The following GRID2 variants were observed in gnomAD, a reference collection of about 807,000 sequenced individuals.
The protein encoded by GRID2 is glutamate ionotropic receptor delta type subunit 2, also known as glutamate receptor ionotropic, delta-2.
A neutral mutation model predicts 114.8 loss-of-function variants in GRID2; 33 were observed. The ratio of observed to expected loss-of-function variants is 0.29; its 90% CI spans 0.22 to 0.38. The LOEUF (loss-of-function observed/expected upper bound fraction) is 0.38. Ranked by LOEUF, GRID2 falls within the 10% of genes least tolerant of loss-of-function variation. GRID2 has a pLI of 1.00. For missense variants in GRID2, 1,184 were observed against 1,257.7 expected (o/e 0.94, Z 0.89); for synonymous variants, 505 against 449.9 (o/e 1.12, Z -1.55).
chr4:93,676,891 G>C (rs566876722), intron 14 of GRID2, among the ~76,000 whole-genome samples: 3 of 152,040 alleles, frequency 2.0e-5, no homozygotes, highest in African/African-American at 7.2e-5. Context: ...CTGAGGTACC[G>C]GGTTCATCTC....
chr4:93,390,193 G>C (rs1341955314), intron 8 of GRID2, among the ~76,000 whole-genome samples: 1 of 152,172 alleles, frequency 6.6e-6, no homozygotes, highest in African/African-American at 2.4e-5. Context: ...TGGGGATTCT[G>C]ACTTAATTGT....
intron 2 of GRID2, among the ~76,000 whole-genome samples, chr4:92,656,013 A>G (rs566893757): frequency 4.6e-5 from 7 of 151,648 alleles, no homozygotes; most frequent in Non-Finnish European, 8.8e-5. Flanking sequence ...TCTCATATAT[A>G]GTCTTTATTA....
Position 92,832,329 on chromosome 4 carries a change from T to A in GRID2, c.244+242043T>A, listed in dbSNP as rs142711118. Reference sequence around the variant, plus strand: ...TTAGCCAAATGTGGTGATACCTGCCTGTAATCCCAGCTACTTGGGAGGCTG... The same window carrying A: ...TTAGCCAAATGTGGTGATACCTGCCAGTAATCCCAGCTACTTGGGAGGCTG... On this transcript the variant is annotated intron_variant, in intron 2 of 15. Transcript: ENST00000282020. 1.8e-3 allele frequency among the ~76,000 whole-genome samples: 277 copies of A among 152,176 alleles called. 5 individuals carry two copies. In the East Asian group the frequency reaches 0.044, roughly 24 times the overall value.
intron 14 of GRID2, among the ~76,000 whole-genome samples, chr4:93,715,999 C>G (rs1728871889): frequency 6.6e-6 from 1 of 152,128 alleles, no homozygotes; most frequent in South Asian, 2.1e-4. Flanking sequence ...GTATCCTTGT[C>G]TTGTGCCAGT....
chr4:92,503,007 T>C (rs1723765445), intron 1 of GRID2, among the ~76,000 whole-genome samples: 1 of 151,996 alleles, frequency 6.6e-6, no homozygotes, highest in Non-Finnish European at 1.5e-5. Context: ...TGCCATATGA[T>C]TTTCAAAAGC....
intron 2 of GRID2, among the ~76,000 whole-genome samples, chr4:92,703,022 T>A (rs958662370): frequency 1.3e-5 from 2 of 152,178 alleles, no homozygotes; most frequent in South Asian, 4.1e-4. Flanking sequence ...AACTATTTGG[T>A]CTCTGTTTGA....
At chr4:93,413,675 C>G (rs1343002148) in intron 9 of GRID2, among the ~76,000 whole-genome samples, 1 of 152,124 alleles carries the variant, frequency 6.6e-6, no homozygotes, top group Non-Finnish European at 1.5e-5. Context: ...AATTCACCCT[C>G]AATGGTTGCT....
chr4:93,317,548 T>C (rs1756788412), intron 8 of GRID2, among the ~76,000 whole-genome samples: 1 of 152,126 alleles, frequency 6.6e-6, no homozygotes, highest in African/African-American at 2.4e-5. Context: ...CTAATAATAC[T>C]GAAATTTGGA....
chr4:93,785,604 G>A (rs114800150), intron 1 of GRID2, among the ~76,000 whole-genome samples: 3,517 of 152,266 alleles, frequency 0.023, 67 homozygotes, highest in Non-Finnish European at 0.035. Flanking sequence ...TTCATTAACC[G>A]TGATAAAGAA....
At chr4:92,794,874 T>TTTTA (rs139320071) in intron 2 of GRID2, among the ~76,000 whole-genome samples, 62 of 106,034 alleles carry the variant, frequency 5.8e-4, no homozygotes, top group Admixed American at 1.5e-3. Context: ...AATAATTGTT[T>TTTTA]TATATATATA....
chr4:93,536,248 G>C (rs1238292151), intron 13 of GRID2, among the ~76,000 whole-genome samples: 1 of 151,792 alleles, frequency 6.6e-6, no homozygotes, highest in Non-Finnish European at 1.5e-5. Flanking sequence ...AATAGCCAAA[G>C]CAATTTTAAC....
intron 8 of GRID2, among the ~76,000 whole-genome samples, chr4:93,295,920 C>T (rs1349219819): frequency 6.6e-6 from 1 of 152,218 alleles, no homozygotes; most frequent in Non-Finnish European, 1.5e-5. Context: ...TTGGATTTAG[C>T]TGCTAATTCA....
chr4:92,851,202 C>T (rs1743761430), intron 2 of GRID2, among the ~76,000 whole-genome samples: 1 of 151,910 alleles, frequency 6.6e-6, no homozygotes. Flanking sequence ...AAAATATTAA[C>T]AAATCAGCCA....
At chr4:93,165,067 C>T (rs1162400202) in intron 4 of GRID2, among the ~76,000 whole-genome samples, 1 of 151,998 alleles carries the variant, frequency 6.6e-6, no homozygotes, top group Non-Finnish European at 1.5e-5. Flanking sequence ...ATAATAACTT[C>T]CTCATAGGAT....
intron 2 of GRID2, chr4:92,885,026 GA>G: frequency 7.6e-6 from 2 of 263,728 alleles, no homozygotes; most frequent in South Asian, 4.4e-5. Context: ...GAAACAAGCT[GA>G]AAAACAGGAA....
intron 2 of GRID2, among the ~76,000 whole-genome samples, chr4:92,934,283 C>A (rs1336938810): frequency 6.6e-6 from 1 of 151,694 alleles, no homozygotes; most frequent in African/African-American, 2.4e-5. Context: ...GTATTTTATT[C>A]TCTTTGAAGC....
At chr4:93,727,469 A>C (rs1419445125) in intron 14 of GRID2, among the ~76,000 whole-genome samples, 1 of 152,174 alleles carries the variant, frequency 6.6e-6, no homozygotes, top group South Asian at 2.1e-4. Context: ...TGTCTCTGCC[A>C]GGCTTTGGTA....
intron 11 of GRID2, among the ~76,000 whole-genome samples, chr4:93,461,970 C>T (rs1310135043): frequency 6.6e-6 from 1 of 152,198 alleles, no homozygotes; most frequent in South Asian, 2.1e-4. Flanking sequence ...ATGTAATTTG[C>T]TTTCTGTTTA....
At chr4:92,491,177 T>G (rs966666787) in intron 1 of GRID2, among the ~76,000 whole-genome samples, 1 of 152,142 alleles carries the variant, frequency 6.6e-6, no homozygotes, top group Admixed American at 6.5e-5. Flanking sequence ...TTGAAAATAA[T>G]AAATGGCTGG....
Sources: allele counts gnomAD v4.1 joint callset (sites outside exome capture counted in the v4.1 genomes callset), GRCh38; gene constraint gnomAD v4.1.1; transcripts MANE v1.5; gene names NCBI Gene and HGNC (gene_info 2026-07-23, HGNC 2026-07-21).